MTF2: variants seen among roughly 807,000 people sequenced by gnomAD.
The protein encoded by MTF2 is metal-response element-binding transcription factor 2.
Under a neutral mutation model 79.5 loss-of-function variants are expected in MTF2, and 11 were observed. The observed-to-expected ratio is 0.14, with a 90% CI of 0.09 to 0.23. MTF2 has a LOEUF of 0.23. Among genes scored for constraint, MTF2 ranks in the 10% least tolerant of loss-of-function variants. The pLI, the probability that MTF2 is intolerant of heterozygous loss-of-function variation, is 1.00. For synonymous variants in MTF2, 208 were observed against 232.8 expected (o/e 0.89, Z 0.97); for missense variants, 486 against 711.2 (o/e 0.68, Z 3.60).
At position 93,137,772 on chromosome 1, in the gene MTF2, G is replaced by A. The variant is rs1343408306; in HGVS notation, c.*745G>A. ...ATTTCTTCTCAGGCTTTTATTGGGT[G>A]CTGTTGCTTGCTATGTATGAAGAGA... On this transcript the variant is annotated 3_prime_UTR_variant, in exon 15 of 15. Coordinates refer to ENST00000370298, the MANE Select transcript of MTF2 (RefSeq NM_007358.4). The A allele has an allele frequency of 6.6e-6, 1 of 152,140 alleles. No homozygotes were observed. The highest frequency in any genetic ancestry group is 1.5e-5 in the Non-Finnish European group (1 of 68,020). 9.4% of individuals were successfully genotyped at this position (152,140 alleles called of 1,614,324 possible).
intron 1 of MTF2, among the ~76,000 whole-genome samples, chr1:93,081,453 C>T (rs973091462): frequency 6.6e-6 from 1 of 152,136 alleles, no homozygotes; most frequent in Admixed American, 6.5e-5. Context: ...GAGGAGTTGC[C>T]ATGACCAACA....
At position 93,110,267 on chromosome 1, in the gene MTF2, C is replaced by T. The variant is rs766773407; in HGVS notation, c.43C>T (p.Arg15Trp). Residue 15 changes from arginine to tryptophan, a missense_variant, in exon 2 of 15, where the codon CGG becomes TGG. Coordinates refer to ENST00000370298, the MANE Select transcript of MTF2 (RefSeq NM_007358.4). ...GGCAGGTAATTCACTGGTCCACAAGCGGTCTCCTTTACGTCGAAACCAAAA... is the reference window on the plus strand; with the variant it reads ...GGCAGGTAATTCACTGGTCCACAAGTGGTCTCCTTTACGTCGAAACCAAAA... ...TGAGNSLVHKRSPLRRNQKTP... is the reference protein window; with the variant it reads ...TGAGNSLVHKWSPLRRNQKTP... 11 of 1,613,934 alleles carry T rather than the reference C, an allele frequency of 6.8e-6. No homozygotes were observed. Among genetic ancestry groups the T allele is most frequent in the East Asian group, 2.2e-5 (1 of 44,880 alleles).
intron 1 of MTF2, among the ~76,000 whole-genome samples, chr1:93,087,519 C>T (rs183062617): frequency 4.3e-4 from 64 of 148,020 alleles, no homozygotes; most frequent in Non-Finnish European, 7.9e-4. Flanking sequence ...TTGCAGTGAG[C>T]GGAGATGGTA....
chr1:93,101,570 T>TTTG (rs1655538815), intron 1 of MTF2, among the ~76,000 whole-genome samples: 1 of 55,856 alleles, frequency 1.8e-5, no homozygotes, highest in Non-Finnish European at 3.4e-5. Flanking sequence ...TCAGGCTGGT[T>TTTG]TTTTTTTTTT....
intron 11 of MTF2, among the ~76,000 whole-genome samples, chr1:93,130,816 T>C (rs951046513): frequency 6.6e-6 from 1 of 152,190 alleles, no homozygotes; most frequent in Non-Finnish European, 1.5e-5. Flanking sequence ...ATCAATTAAA[T>C]AATGCCCAGA....
chr1:93,106,461 AT>A (rs78128436), intron 1 of MTF2, among the ~76,000 whole-genome samples: 366 of 139,846 alleles, frequency 2.6e-3, no homozygotes, highest in Admixed American at 2.4e-3. Context: ...GGCTTTGGCT[AT>A]TTTTTTTTTT....
chr1:93,134,195 G>A lies in MTF2; in HGVS notation c.1424G>A (p.Gly475Glu). The A allele has an allele frequency of 6.3e-7, 1 of 1,586,874 alleles. No individual in the cohort carries two copies. The highest frequency in any genetic ancestry group is 8.6e-7 in the Non-Finnish European group (1 of 1,161,470). Reference protein sequence around the residue: ...TTSSSISRHYGLSDSRKRTRT... With the variant: ...TTSSSISRHYELSDSRKRTRT... ...TCGTCTAGCATTTCCAGGCATTATGGGTAGATATTTTACATTCTTATTTTT... is the reference window on the plus strand; with the variant it reads ...TCGTCTAGCATTTCCAGGCATTATGAGTAGATATTTTACATTCTTATTTTT... The change falls in exon 14 of 15, where the codon GGA (glycine) becomes GAA (glutamate). Residue 475 changes from glycine to glutamate, a missense_variant and splice_region_variant. This residue lies in a region of MTF2 where 209 missense variants were observed against 206.5 expected (regional missense o/e 1.01). Coordinates refer to ENST00000370298, the MANE Select transcript of MTF2 (RefSeq NM_007358.4).
intron 1 of MTF2, among the ~76,000 whole-genome samples, chr1:93,096,359 T>C (rs889323195): frequency 1.3e-5 from 2 of 152,208 alleles, no homozygotes; most frequent in African/African-American, 4.8e-5. Flanking sequence ...ATTATTAATA[T>C]GTTACAACTT....
intron 1 of MTF2, among the ~76,000 whole-genome samples, chr1:93,093,206 T>C (rs1655144141): frequency 6.6e-6 from 1 of 151,988 alleles, no homozygotes; most frequent in Admixed American, 6.6e-5. Flanking sequence ...TTTAAAATAG[T>C]GTCAAATACT....
chr1:93,126,723 C>G (rs563292104), intron 9 of MTF2, among the ~76,000 whole-genome samples: 215 of 152,048 alleles, frequency 1.4e-3, no homozygotes, highest in Non-Finnish European at 2.7e-3. Flanking sequence ...GAAAAGATCT[C>G]TCAATTTTAC....
intron 1 of MTF2, among the ~76,000 whole-genome samples, chr1:93,092,165 T>C (rs1655099405): frequency 6.6e-6 from 1 of 152,204 alleles, no homozygotes; most frequent in Non-Finnish European, 1.5e-5. Context: ...GAGCTCCTTA[T>C]TATTTCATGG....
intron 1 of MTF2, among the ~76,000 whole-genome samples, chr1:93,103,555 C>T (rs933455410): frequency 6.6e-6 from 1 of 151,864 alleles, no homozygotes. Flanking sequence ...ATATGTAGTA[C>T]AAATAAGAAT....
chr1:93,094,335 C>G (rs574484524), intron 1 of MTF2, among the ~76,000 whole-genome samples: 4 of 152,224 alleles, frequency 2.6e-5, no homozygotes, highest in African/African-American at 4.8e-5. Context: ...GCCAGCTAAC[C>G]CAGAAACCCA....
intron 1 of MTF2, among the ~76,000 whole-genome samples, chr1:93,092,500 C>T (rs1213041357): frequency 6.6e-6 from 1 of 152,122 alleles, no homozygotes; most frequent in African/African-American, 2.4e-5. Context: ...CCGCCCCTTC[C>T]CACTCCTTAG....
intron 11 of MTF2, among the ~76,000 whole-genome samples, chr1:93,132,814 C>T (rs1258355399): frequency 6.6e-6 from 1 of 152,056 alleles, no homozygotes; most frequent in Non-Finnish European, 1.5e-5. Flanking sequence ...ACAATTTCCT[C>T]ATAGCCCTCA....
intron 3 of MTF2, among the ~76,000 whole-genome samples, chr1:93,112,745 G>A (rs1656079158): frequency 6.6e-6 from 1 of 152,190 alleles, no homozygotes; most frequent in Non-Finnish European, 1.5e-5. Flanking sequence ...TAGAGTAAAG[G>A]AGACTATAGA....
At chr1:93,093,424 C>T (rs1655154465) in intron 1 of MTF2, among the ~76,000 whole-genome samples, 1 of 152,086 alleles carries the variant, frequency 6.6e-6, no homozygotes, top group African/African-American at 2.4e-5. Flanking sequence ...TTAGAGATAT[C>T]CTCCTGGAGT....
chr1:93,133,041 T>TTG, intron 11 of MTF2, among the ~76,000 whole-genome samples: 1 of 152,124 alleles, frequency 6.6e-6, no homozygotes. Flanking sequence ...TCCTTCCTAT[T>TTG]GCTTGGTATT....
chr1:93,112,249 T>C (rs928942075), intron 3 of MTF2, among the ~76,000 whole-genome samples: 1 of 152,238 alleles, frequency 6.6e-6, no homozygotes, highest in African/African-American at 2.4e-5. Context: ...AATGAATAAA[T>C]GAATCTGAAA....
Sources: gnomAD v4.1 joint callset for allele counts (sites outside exome capture counted in the v4.1 genomes callset) on GRCh38, gnomAD v4.1.1 for gene constraint, gnomAD v4.1.1 regional missense constraint, MANE v1.5 for transcripts, NCBI Gene and HGNC (gene_info 2026-07-23, HGNC 2026-07-21) for gene names.